RBFOX3: variants seen among roughly 807,000 people sequenced by gnomAD.
RBFOX3 encodes RNA binding protein fox-1 homolog 3.
RBFOX3 carries 17 observed loss-of-function variants against 48.7 expected under a neutral mutation model. The observed-to-expected ratio is 0.35, with a 90% confidence interval of 0.24 to 0.52. The LOEUF (loss-of-function observed/expected upper bound fraction) is 0.52, where lower values mean the gene tolerates loss of function less well. Ranked by LOEUF, RBFOX3 falls within the 20% of genes least tolerant of loss-of-function variation. The pLI, the probability that RBFOX3 is intolerant of heterozygous loss-of-function variation, is 0.94. For synonymous variants in RBFOX3, 212 were observed against 209.5 expected (o/e 1.01, Z -0.10); for missense variants, 382 against 497.5 (o/e 0.77, Z 2.21).
intron 4 of RBFOX3, among the ~76,000 whole-genome samples, chr17:79,156,043 G>C (rs2145081929): frequency 6.6e-6 from 1 of 152,372 alleles, no homozygotes; most frequent in East Asian, 1.9e-4. Flanking sequence ...TCGTCCCTCG[G>C]CCAGGCCTAG....
chr17:79,314,603 G>T (rs1342969048), intron 2 of RBFOX3, among the ~76,000 whole-genome samples: 1 of 151,866 alleles, frequency 6.6e-6, no homozygotes, highest in Non-Finnish European at 1.5e-5. Flanking sequence ...CAAAGAAAAT[G>T]GGGCAGGTTT....
At chr17:79,143,473 C>T (rs1484338868) in intron 4 of RBFOX3, among the ~76,000 whole-genome samples, 2 of 152,164 alleles carry the variant, frequency 1.3e-5, no homozygotes, top group East Asian at 1.9e-4. Flanking sequence ...CTGCTGCCCC[C>T]ACAGCTCAGA....
intron 4 of RBFOX3, among the ~76,000 whole-genome samples, chr17:79,216,371 G>A (rs2059047061): frequency 6.6e-6 from 1 of 152,238 alleles, no homozygotes. Context: ...GGGGACCACG[G>A]AGCAGGTGGG....
intron 1 of RBFOX3, among the ~76,000 whole-genome samples, chr17:79,501,119 A>G (rs1012623794): frequency 1.3e-5 from 2 of 152,190 alleles, no homozygotes; most frequent in Non-Finnish European, 2.9e-5. Context: ...GAGGGGCTCA[A>G]AGGTCGATTT....
chr17:79,610,271 G>C (rs2093941669), intron 1 of RBFOX3, among the ~76,000 whole-genome samples: 1 of 151,922 alleles, frequency 6.6e-6, no homozygotes. Context: ...GGCTCTCTCC[G>C]GGCCTGGGTG....
intron 2 of RBFOX3, among the ~76,000 whole-genome samples, chr17:79,385,340 A>C (rs891610491): frequency 2.0e-5 from 3 of 152,340 alleles, no homozygotes; most frequent in South Asian, 2.1e-4. Flanking sequence ...ATGGGAAGTC[A>C]GGCAAGACCC....
At chr17:79,123,559 G>C (rs2036336871) in intron 4 of RBFOX3, among the ~76,000 whole-genome samples, 2 of 152,096 alleles carry the variant, frequency 1.3e-5, no homozygotes, top group Non-Finnish European at 2.9e-5. Flanking sequence ...CACACACAGA[G>C]GGGACACGCT....
In RBFOX3 at chr17:79,426,461, G is replaced by A. The variant is rs1213353517; in HGVS notation, c.-175+55993C>T. On this transcript the variant is annotated intron_variant, in intron 2 of 14. Transcript: ENST00000693108. ...AACGGCAGGCAGGCCGGGAGCACTC[G>A]CGACACAGTGTTCTGTGGTTCCAAC... Among the ~76,000 whole-genome samples, 16 of 152,320 alleles carry A rather than the reference G, an allele frequency of 1.1e-4. No individual in the cohort carries two copies. In the East Asian group the frequency reaches 1.9e-3, roughly 18 times the overall value.
At chr17:79,325,206 G>C (rs554979344) in intron 2 of RBFOX3, among the ~76,000 whole-genome samples, 28 of 152,206 alleles carry the variant, frequency 1.8e-4, no homozygotes, top group Non-Finnish European at 3.8e-4. Context: ...TGGTGGCAGG[G>C]AGCTGCCCCC....
At chr17:79,122,483 T>G (rs1245062993) in intron 4 of RBFOX3, among the ~76,000 whole-genome samples, 1 of 152,200 alleles carries the variant, frequency 6.6e-6, no homozygotes, top group Admixed American at 6.5e-5. Context: ...ATCAGAGAAA[T>G]GCAAATCAAA....
At chr17:79,372,244 T>C (rs2058651172) in intron 2 of RBFOX3, among the ~76,000 whole-genome samples, 2 of 151,252 alleles carry the variant, frequency 1.3e-5, no homozygotes, top group South Asian at 2.1e-4. Flanking sequence ...TCCTATGGCC[T>C]CCCCATACTA....
At chr17:79,117,019 C>T (rs2034199350) in intron 4 of RBFOX3, among the ~76,000 whole-genome samples, 1 of 152,206 alleles carries the variant, frequency 6.6e-6, no homozygotes, top group South Asian at 2.1e-4. Context: ...CTTATGATCC[C>T]AAGAGGAGGG....
chr17:79,572,902 AT>A (rs1417289262), intron 1 of RBFOX3, among the ~76,000 whole-genome samples: 1 of 152,062 alleles, frequency 6.6e-6, no homozygotes, highest in Non-Finnish European at 1.5e-5. Context: ...GGCTTGCCAA[AT>A]TTGGCAGATA....
At chr17:79,386,898 C>T (rs1476545157) in intron 2 of RBFOX3, among the ~76,000 whole-genome samples, 1 of 152,256 alleles carries the variant, frequency 6.6e-6, no homozygotes, top group Non-Finnish European at 1.5e-5. Flanking sequence ...TTGACATTTG[C>T]TGTCTACTTG....
rs1203784359 is a variant in RBFOX3, at chr17:79,460,295, CT to C, written c.-175+22158del. Reference sequence around the variant, plus strand: ...TACCTCATTAAAAAAAAATGGGCCCCTCTCTGACTCTTCTGCTCCCAGGTGA... The same window carrying C: ...TACCTCATTAAAAAAAAATGGGCCCCCTCTGACTCTTCTGCTCCCAGGTGA... On this transcript the variant is annotated intron_variant, in intron 2 of 14. Transcript: ENST00000693108. Among the ~76,000 whole-genome samples the C allele has an allele frequency of 3.6e-4, 55 of 152,248 alleles. No homozygotes were observed. The Middle Eastern group carries it at 0.01, about 28-fold the overall frequency.
chr17:79,154,549 G>C (rs2045336837), intron 4 of RBFOX3, among the ~76,000 whole-genome samples: 1 of 152,242 alleles, frequency 6.6e-6, no homozygotes, highest in African/African-American at 2.4e-5. Context: ...CTCAGAACCT[G>C]ACTGGAGAGG....
At chr17:79,654,516 C>T in the RBFOX3 span, among the ~76,000 whole-genome samples, 43 of 152,322 alleles carry the variant, frequency 2.8e-4, 1 homozygote, top group Middle Eastern at 0.014. Flanking sequence ...GAAAACTCTA[C>T]AGATCAAAAA....
chr17:79,653,787 A>G, the RBFOX3 span, among the ~76,000 whole-genome samples: 1 of 148,674 alleles, frequency 6.7e-6, no homozygotes, highest in Admixed American at 6.7e-5. Flanking sequence ...AGTTAGCTGG[A>G]TTTCCAGCAC....
In RBFOX3 at chr17:79,163,222, C is replaced by T. The variant is rs77193236; in HGVS notation, c.-33-47474G>A. Among the ~76,000 whole-genome samples, 674 of 152,320 alleles carry T rather than the reference C, an allele frequency of 4.4e-3. 3 individuals carry two copies. Among genetic ancestry groups the T allele is most frequent in the African/African-American group, 0.016 (650 of 41,570 alleles). On this transcript the variant is annotated intron_variant, in intron 4 of 14. Coordinates refer to ENST00000693108, the MANE Select transcript of RBFOX3 (RefSeq NM_001350451.2). ...CCTTGGCCAGCTCCCTCCTTGGGGC[C>T]GGGCAGCACACTCGGCTGAACACCA...
Sources: gnomAD v4.1 joint callset for allele counts (sites outside exome capture counted in the v4.1 genomes callset) on GRCh38, gnomAD v4.1.1 for gene constraint, MANE v1.5 for transcripts, NCBI Gene and HGNC (gene_info 2026-07-23, HGNC 2026-07-21) for gene names.